The following ADAMTS12 variants were observed in gnomAD, a reference collection of about 807,000 sequenced individuals.
The protein encoded by ADAMTS12 is A disintegrin and metalloproteinase with thrombospondin motifs 12.
ADAMTS12 carries 118 observed loss-of-function variants against 167.8 expected under a neutral mutation model. The observed-to-expected ratio is 0.70, with a 90% CI of 0.61 to 0.82. The LOEUF is 0.82. Ranked by LOEUF, ADAMTS12 falls within the 40% of genes least tolerant of loss-of-function variation. The pLI is 0.00. For synonymous variants in ADAMTS12, 704 were observed against 716.9 expected (o/e 0.98, Z 0.29); for missense variants, 1,916 against 1,998.8 (o/e 0.96, Z 0.79).
intron 16 of ADAMTS12, among the ~76,000 whole-genome samples, chr5:33,613,950 A>G (rs1738853647): frequency 6.6e-6 from 1 of 152,212 alleles, no homozygotes; most frequent in Non-Finnish European, 1.5e-5. Context: ...ATTGGTTGTT[A>G]ATGCTTTTTG....
At chr5:33,838,583 G>A (rs562148120) in intron 2 of ADAMTS12, among the ~76,000 whole-genome samples, 2 of 152,286 alleles carry the variant, frequency 1.3e-5, no homozygotes, top group African/African-American at 4.8e-5. Flanking sequence ...TGTGGAGGCT[G>A]AGGTAGGAGA....
intron 2 of ADAMTS12, among the ~76,000 whole-genome samples, chr5:33,752,477 G>A (rs1237300049): frequency 6.6e-6 from 1 of 152,168 alleles, no homozygotes. Flanking sequence ...GCAAGTGACT[G>A]GCTGAGTTTT....
intron 10 of ADAMTS12, among the ~76,000 whole-genome samples, chr5:33,642,678 G>T (rs1303759757): frequency 6.6e-6 from 1 of 152,236 alleles, no homozygotes. Context: ...CTATGTGGTT[G>T]TCGTGAATAA....
chr5:33,639,643 G>C (rs1383355757), intron 11 of ADAMTS12, among the ~76,000 whole-genome samples: 1 of 152,198 alleles, frequency 6.6e-6, no homozygotes, highest in Non-Finnish European at 1.5e-5. Flanking sequence ...GCAAAGCCAA[G>C]ACTTGAATCG....
chr5:33,753,325 C>G (rs970521879), intron 2 of ADAMTS12, among the ~76,000 whole-genome samples: 2 of 152,174 alleles, frequency 1.3e-5, no homozygotes, highest in Admixed American at 6.5e-5. Context: ...AGGACAATCT[C>G]TGGAACAGGA....
chr5:33,888,343 G>A (rs958452789), intron 1 of ADAMTS12, among the ~76,000 whole-genome samples: 11 of 152,132 alleles, frequency 7.2e-5, no homozygotes, highest in African/African-American at 2.7e-4. Flanking sequence ...ACACATGTTG[G>A]AATGTTGTGA....
chr5:33,702,682 C>T (rs528452498), intron 3 of ADAMTS12, among the ~76,000 whole-genome samples: 5 of 152,278 alleles, frequency 3.3e-5, no homozygotes, highest in Admixed American at 1.3e-4. Context: ...GGCTTCTTTA[C>T]GAATCAACTG....
intron 16 of ADAMTS12, among the ~76,000 whole-genome samples, chr5:33,600,267 C>A (rs1047643727): frequency 1.4e-5 from 2 of 146,380 alleles, no homozygotes; most frequent in Non-Finnish European, 3.0e-5. Context: ...TCATTGGATA[C>A]TAGCAATGAA....
intron 2 of ADAMTS12, among the ~76,000 whole-genome samples, chr5:33,800,807 C>T (rs1052592027): frequency 6.6e-6 from 1 of 152,120 alleles, no homozygotes; most frequent in African/African-American, 2.4e-5. Context: ...ATTTTGTGAG[C>T]TGGTGTTAAA....
At chr5:33,583,288 T>G (rs1406641819) in intron 18 of ADAMTS12, among the ~76,000 whole-genome samples, 1 of 152,200 alleles carries the variant, frequency 6.6e-6, no homozygotes, top group Non-Finnish European at 1.5e-5. Flanking sequence ...CATAATGATC[T>G]CCAGTTTATC....
At position 33,675,560 on chromosome 5, in the gene ADAMTS12, G is replaced by A. The variant is rs559019044; in HGVS notation, c.915+7458C>T. ...TTCCTATTCCTATTTAAAGTTCCTC[G>A]TGCAGACAAAGCAAGTGTACAATTA... On this transcript the variant is annotated intron_variant, in intron 5 of 23. Coordinates refer to ENST00000504830, the MANE Select transcript of ADAMTS12 (RefSeq NM_030955.4). Among the ~76,000 whole-genome samples the A allele has an allele frequency of 5.3e-5, 8 of 152,202 alleles. No homozygotes were observed. In the East Asian group the frequency reaches 7.7e-4, roughly 15 times the overall value.
chr5:33,796,411 T>C (rs1746778290), intron 2 of ADAMTS12, among the ~76,000 whole-genome samples: 1 of 152,246 alleles, frequency 6.6e-6, no homozygotes, highest in African/African-American at 2.4e-5. Context: ...TGTTAGTGAT[T>C]TCCTACACAT....
intron 2 of ADAMTS12, among the ~76,000 whole-genome samples, chr5:33,835,613 C>T (rs1445907): frequency 0.13 from 20,496 of 152,102 alleles, 2,480 homozygotes; most frequent in East Asian, 0.38. Context: ...TAGCTCGCTG[C>T]GGCCTCTTTT....
chr5:33,859,412 G>C (rs1749521890), intron 2 of ADAMTS12, among the ~76,000 whole-genome samples: 1 of 152,218 alleles, frequency 6.6e-6, no homozygotes, highest in Admixed American at 6.5e-5. Flanking sequence ...ACTGGGCGGA[G>C]CCCACCGCAG....
intron 2 of ADAMTS12, among the ~76,000 whole-genome samples, chr5:33,759,572 A>C (rs771756512): frequency 3.9e-5 from 6 of 152,192 alleles, no homozygotes; most frequent in African/African-American, 1.2e-4. Flanking sequence ...GTCTCTGTGG[A>C]TGTCATGTTG....
chr5:33,814,646 G>A (rs978480627), intron 2 of ADAMTS12, among the ~76,000 whole-genome samples: 4 of 152,190 alleles, frequency 2.6e-5, no homozygotes, highest in African/African-American at 9.6e-5. Context: ...TAGAGGGGAA[G>A]CCCAGGCACT....
intron 2 of ADAMTS12, among the ~76,000 whole-genome samples, chr5:33,832,708 T>C (rs549986084): frequency 6.6e-6 from 1 of 152,316 alleles, no homozygotes; most frequent in East Asian, 1.9e-4. Context: ...TAATGCAATG[T>C]TGCTTTATTT....
intron 18 of ADAMTS12, among the ~76,000 whole-genome samples, chr5:33,580,263 A>G (rs1391895110): frequency 6.6e-6 from 1 of 152,204 alleles, no homozygotes; most frequent in African/African-American, 2.4e-5. Flanking sequence ...ACAGTTCTGC[A>G]TGGGTGGGGA....
chr5:33,611,527 C>T (rs1167570827), intron 16 of ADAMTS12, among the ~76,000 whole-genome samples: 1 of 151,946 alleles, frequency 6.6e-6, no homozygotes, highest in African/African-American at 2.4e-5. Flanking sequence ...TATTTGTAAC[C>T]CATTTACTAT....
Sources: gnomAD v4.1 joint callset for allele counts (sites outside exome capture counted in the v4.1 genomes callset) on GRCh38, gnomAD v4.1.1 for gene constraint, MANE v1.5 for transcripts, NCBI Gene and HGNC (gene_info 2026-07-23, HGNC 2026-07-21) for gene names.